SPTBN1: variants seen among roughly 807,000 people sequenced by gnomAD.
SPTBN1 encodes the protein spectrin beta chain, non-erythrocytic 1.
SPTBN1 carries 32 observed loss-of-function variants against 266.4 expected under a neutral mutation model. The observed-to-expected ratio is 0.12, with a 90% confidence interval of 0.09 to 0.16. The LOEUF (loss-of-function observed/expected upper bound fraction) is 0.16, where lower values mean the gene tolerates loss of function less well. Among genes scored for constraint, SPTBN1 ranks in the 10% least tolerant of loss-of-function variants. SPTBN1 has a pLI of 1.00. For synonymous variants in SPTBN1, 1,336 were observed against 1,162.2 expected, an observed-to-expected ratio of 1.15 and a Z score of -3.04; for missense variants, 2,296 against 3,067.1, an observed-to-expected ratio of 0.75 and a Z score of 5.94.
intron 2 of SPTBN1, among the ~76,000 whole-genome samples, chr2:54,595,876 G>A (rs924495987): frequency 1.3e-5 from 2 of 152,166 alleles, no homozygotes; most frequent in African/African-American, 4.8e-5. Flanking sequence ...CATGAATCGT[G>A]ACCATCAACA....
At chr2:54,568,837 C>T (rs903237216) in intron 2 of SPTBN1, among the ~76,000 whole-genome samples, 6 of 152,160 alleles carry the variant, frequency 3.9e-5, no homozygotes, top group African/African-American at 9.7e-5. Flanking sequence ...CTTTTAAATA[C>T]TTTAAAACTA....
chr2:54,610,176 A>T (rs1677115989), intron 3 of SPTBN1, among the ~76,000 whole-genome samples: 1 of 151,332 alleles, frequency 6.6e-6, no homozygotes, highest in Admixed American at 6.6e-5. Context: ...TTTAAGCCAA[A>T]CCTCTTTCCG....
At chr2:54,586,801 A>G (rs13432302) in intron 2 of SPTBN1, among the ~76,000 whole-genome samples, 3 of 152,016 alleles carry the variant, frequency 2.0e-5, no homozygotes, top group African/African-American at 4.8e-5. Context: ...GAAACTGTCA[A>G]GAACGGCTGG....
chr2:54,558,644 C>T lies in SPTBN1; in HGVS notation c.148+32078C>T, dbSNP rs1673048742. On this transcript the variant is annotated intron_variant, in intron 2 of 35. Coordinates refer to ENST00000356805, the MANE Select transcript of SPTBN1 (RefSeq NM_003128.3). The surrounding 1 kb of genome is among the most constrained non-coding windows in gnomAD (Gnocchi z 4.6). Reference sequence around the variant, plus strand: ...GCCAACTTCCCATCAGATCACCCTGCTGGACTTGCAGACCGGAATGGGGCT... The same window carrying T: ...GCCAACTTCCCATCAGATCACCCTGTTGGACTTGCAGACCGGAATGGGGCT... 3.4e-6 allele frequency: 5 copies of T among 1,489,028 alleles called. No homozygotes were observed. In the South Asian group the frequency reaches 5.6e-5, roughly 17 times the overall value. 92.2% of individuals were successfully genotyped at this position (1,489,028 alleles called of 1,614,324 possible).
intron 2 of SPTBN1, among the ~76,000 whole-genome samples, chr2:54,579,470 C>T (rs1010096723): frequency 6.6e-6 from 1 of 152,176 alleles, no homozygotes; most frequent in Non-Finnish European, 1.5e-5. Context: ...GACCGTGGCC[C>T]CCAATGAGGG....
In SPTBN1 at chr2:54,558,010, C is replaced by G; in HGVS notation, c.148+31444C>G. ...AGAGAGTGAATGAGCCGCGCGGGCC[C>G]GGGACCCTTGGGGCTCTTCACTCTC... On this transcript the variant is annotated intron_variant, in intron 2 of 35. Coordinates refer to ENST00000356805, the MANE Select transcript of SPTBN1 (RefSeq NM_003128.3). This position sits in a 1 kb window ranked among gnomAD's most constrained non-coding sequence, Gnocchi z 4.6. 1 of 985,412 alleles carries G rather than the reference C, an allele frequency of 1.0e-6. No individual in the cohort carries two copies. Among genetic ancestry groups the G allele is most frequent in the East Asian group, 1.1e-4 (1 of 8,804 alleles). 61.0% of individuals were successfully genotyped at this position (985,412 alleles called of 1,614,324 possible). A position where few individuals can be genotyped will look rare whatever the true frequency, so the allele number is the denominator to read the frequency against.
chr2:54,645,561 GC>G lies in SPTBN1; in HGVS notation c.4494+109del. ...TCCTCACCTTGGGCCACGTTGGCAA[GC>G]TGAGCTGCCAAAGTCCACGCTCTGG... is the stretch of plus-strand genomic sequence containing the variant. On this transcript the variant is annotated intron_variant, in intron 21 of 35. Coordinates refer to ENST00000356805, the MANE Select transcript of SPTBN1 (RefSeq NM_003128.3). The surrounding 1 kb of genome is among the most constrained non-coding windows in gnomAD (Gnocchi z 4.3). 1 of 1,196,074 alleles carries G rather than the reference GC, an allele frequency of 8.4e-7. No homozygotes were observed. The highest frequency in any genetic ancestry group is 1.2e-6 in the Non-Finnish European group (1 of 851,168). The allele number at this position is 1,196,074 out of a possible 1,614,324, so 74.1% of individuals were successfully genotyped here.
chr2:54,552,792 C>A (rs1672654606), intron 2 of SPTBN1, among the ~76,000 whole-genome samples: 1 of 152,230 alleles, frequency 6.6e-6, no homozygotes, highest in Non-Finnish European at 1.5e-5. Flanking sequence ...CCTGTAGCTT[C>A]ACATGTCCAA....
chr2:54,537,065 T>C (rs1459808579), intron 2 of SPTBN1, among the ~76,000 whole-genome samples: 5 of 152,156 alleles, frequency 3.3e-5, no homozygotes, highest in Non-Finnish European at 7.4e-5. Context: ...AAGAGAGTTA[T>C]TACAAAGTTT....
At chr2:54,492,682 C>T (rs546753236) in intron 1 of SPTBN1, among the ~76,000 whole-genome samples, 3 of 152,156 alleles carry the variant, frequency 2.0e-5, no homozygotes, top group Non-Finnish European at 4.4e-5. Flanking sequence ...ATGCTGAGGA[C>T]ACATGGACAC....
chr2:54,624,718 T>C, intron 10 of SPTBN1, 86 bp from the exon 11 acceptor site: 1 of 1,559,840 alleles, frequency 6.4e-7, no homozygotes, highest in Non-Finnish European at 8.7e-7. Context: ...TTTTGAGAAA[T>C]ATTAGCTGTT....
chr2:54,556,094 A>T (rs1365238118), intron 2 of SPTBN1, among the ~76,000 whole-genome samples: 1 of 152,280 alleles, frequency 6.6e-6, no homozygotes, highest in Non-Finnish European at 1.5e-5. Context: ...CTGTAAATAC[A>T]GAACAGTAAA....
At chr2:54,497,072 G>A (rs1669007799) in intron 1 of SPTBN1, among the ~76,000 whole-genome samples, 1 of 152,196 alleles carries the variant, frequency 6.6e-6, no homozygotes, top group African/African-American at 2.4e-5. Context: ...CAGACAGCAT[G>A]GAACATGAAG....
At chr2:54,467,664 C>T (rs555599279) in intron 1 of SPTBN1, among the ~76,000 whole-genome samples, 5 of 152,250 alleles carry the variant, frequency 3.3e-5, no homozygotes, top group Admixed American at 6.5e-5. Context: ...GGATTACAGG[C>T]GTGAGCCACC....
At chr2:54,500,957 C>T (rs989425233) in intron 1 of SPTBN1, among the ~76,000 whole-genome samples, 1 of 152,230 alleles carries the variant, frequency 6.6e-6, no homozygotes, top group African/African-American at 2.4e-5. Flanking sequence ...CCAGTCCTCT[C>T]TTTATAGACG....
At chr2:54,468,162 C>T (rs1404128675) in intron 1 of SPTBN1, among the ~76,000 whole-genome samples, 1 of 151,954 alleles carries the variant, frequency 6.6e-6, no homozygotes, top group East Asian at 1.9e-4. Context: ...CAAAAATTGG[C>T]TGGGTGTGGT....
chr2:54,535,894 T>A (rs1671568662), intron 2 of SPTBN1, among the ~76,000 whole-genome samples: 1 of 152,206 alleles, frequency 6.6e-6, no homozygotes, highest in Admixed American at 6.5e-5. Flanking sequence ...ACCTGTTACA[T>A]GTGAGTAACC....
intron 2 of SPTBN1, among the ~76,000 whole-genome samples, chr2:54,566,551 C>T (rs184626442): frequency 1.3e-5 from 2 of 152,016 alleles, no homozygotes; most frequent in Non-Finnish European, 2.9e-5. Context: ...GTTTGACAGG[C>T]CAAGCTCAGT....
intron 1 of SPTBN1, among the ~76,000 whole-genome samples, chr2:54,457,958 C>G (rs968606589): frequency 2.6e-5 from 4 of 152,202 alleles, no homozygotes; most frequent in Non-Finnish European, 2.9e-5. Context: ...ACCAGGGGAC[C>G]TGAGCCATAG....
Sources: gnomAD v4.1 joint callset for allele counts (sites outside exome capture counted in the v4.1 genomes callset) on GRCh38, gnomAD v4.1.1 for gene constraint, Gnocchi (gnomAD v3.1) non-coding constraint, MANE v1.5 for transcripts, NCBI Gene and HGNC (gene_info 2026-07-23, HGNC 2026-07-21) for gene names.